ZC3H11A: variants seen among roughly 807,000 people sequenced by gnomAD.
ZC3H11A encodes the protein zinc finger CCCH domain-containing protein 11A.
A neutral mutation model predicts 90.8 loss-of-function variants in ZC3H11A; 22 were observed. That is an observed-to-expected ratio of 0.24 (90% CI 0.17 to 0.35). The LOEUF (loss-of-function observed/expected upper bound fraction) is 0.35, where lower values mean the gene tolerates loss of function less well. Among genes scored for constraint, ZC3H11A ranks in the 10% least tolerant of loss-of-function variants. The probability of loss-of-function intolerance (pLI) is 1.00; values close to 1 mark genes in which losing one functional copy is unlikely to be tolerated. For missense variants in ZC3H11A, 701 were observed against 964.9 expected (o/e 0.73, Z 3.62); for synonymous variants, 294 against 339.8 (o/e 0.87, Z 1.48).
intron 2 of ZC3H11A, among the ~76,000 whole-genome samples, chr1:203,804,732 G>A (rs1671689197): frequency 6.7e-6 from 1 of 150,172 alleles, no homozygotes; most frequent in South Asian, 2.1e-4. Context: ...GAGTGCAATG[G>A]TGCTGTCTTG....
intron 4 of ZC3H11A, among the ~76,000 whole-genome samples, chr1:203,819,657 C>T (rs1335509229): frequency 6.6e-6 from 1 of 150,508 alleles, no homozygotes; most frequent in Non-Finnish European, 1.5e-5. Flanking sequence ...GCCTCAGCCT[C>T]CCGAGTAGCT....
intron 1 of ZC3H11A, 92 bp downstream of exon 1, chr1:203,795,886 C>T (rs911527014): frequency 3.3e-5 from 5 of 151,914 alleles, no homozygotes; most frequent in South Asian, 4.2e-4. Context: ...TCCCCTCGCC[C>T]CTGGGTCGCG....
chr1:203,799,674 C>T, intron 1 of ZC3H11A: 1 of 706,810 alleles, frequency 1.4e-6, no homozygotes, highest in South Asian at 1.5e-5. Context: ...CCTAATCCAT[C>T]ATCTACTCCT....
chr1:203,843,536 G>T (rs1372856409), intron 12 of ZC3H11A, among the ~76,000 whole-genome samples: 1 of 152,064 alleles, frequency 6.6e-6, no homozygotes, highest in Non-Finnish European at 1.5e-5. Context: ...CCTGTAAAGG[G>T]TCGGATATAA....
rs369412562 is a variant in ZC3H11A at position 203,851,018 on chromosome 1, C to G, written c.2107-39C>G. The G allele has an allele frequency of 8.1e-6, 13 of 1,605,904 alleles. No homozygotes were observed. The African/African-American group carries it at 1.7e-4, about 21-fold the overall frequency. ...AAATGAATATGCTCAAATTAAAAAG[C>G]CTGACTCTCACTGAATTACCTGACT... is the stretch of plus-strand genomic sequence containing the variant. On this transcript the variant is annotated intron_variant, in intron 16 of 17. Transcript: ENST00000367210.
intron 17 of ZC3H11A, 75 bp from the exon 18 acceptor site, chr1:203,852,066 G>C: frequency 6.7e-7 from 1 of 1,494,148 alleles, no homozygotes; most frequent in Non-Finnish European, 9.0e-7. Context: ...TGCTCACTTT[G>C]TGTCCGTGAG....
chr1:203,819,168 ATG>A (rs1315826972), intron 4 of ZC3H11A, among the ~76,000 whole-genome samples: 10 of 146,898 alleles, frequency 6.8e-5, no homozygotes, highest in African/African-American at 2.2e-4. Context: ...ACGTGTATAT[ATG>A]TGTGTGTATA....
intron 4 of ZC3H11A, 85 bp from the exon 5 acceptor site, chr1:203,828,214 A>G (rs994437914): frequency 3.2e-6 from 5 of 1,540,176 alleles, no homozygotes; most frequent in Admixed American, 1.8e-5. Flanking sequence ...TGAACCCTGT[A>G]TGAACTTTGT....
At position 203,795,655 on chromosome 1, in the gene ZC3H11A, A is replaced by G. The variant is rs1338443726; in HGVS notation, c.-1727A>G. On this transcript the variant is annotated 5_prime_UTR_variant, in exon 1 of 18. Transcript: ENST00000367210. ...AGCCTGTAGCCAGGCGCCATCTTTGACGCTGGCAGTCTTGGTTTTCTGCTA... is the reference window on the plus strand; with the variant it reads ...AGCCTGTAGCCAGGCGCCATCTTTGGCGCTGGCAGTCTTGGTTTTCTGCTA... The G allele has an allele frequency of 2.0e-5, 3 of 150,356 alleles. No homozygotes were observed. Among genetic ancestry groups the G allele is most frequent in the African/African-American group, 7.3e-5 (3 of 41,324 alleles). 9.3% of individuals were successfully genotyped at this position (150,356 alleles called of 1,614,324 possible).
At chr1:203,805,789 T>C in intron 2 of ZC3H11A, 6 of 724,068 alleles carry the variant, frequency 8.3e-6, no homozygotes, top group African/African-American at 3.5e-5. Flanking sequence ...TGCTTCTAGG[T>C]TGTCTTCATC....
rs757494235 is a variant in ZC3H11A at position 203,799,992 on chromosome 1, G to T, written c.-1587-1583G>T. The T allele has an allele frequency of 1.2e-5, 19 of 1,536,150 alleles. No individual in the cohort carries two copies. In the South Asian group the frequency reaches 2.0e-4, roughly 16 times the overall value. On this transcript the variant is annotated intron_variant, in intron 1 of 17. Coordinates refer to ENST00000367210, the MANE Select transcript of ZC3H11A (RefSeq NM_001376342.1). Reference sequence around the variant, plus strand: ...AGAAGCTTCTTGTCCCTCAGTTACAGTGGGAGCTGATTCATTTACCTCATC... The same window carrying T: ...AGAAGCTTCTTGTCCCTCAGTTACATTGGGAGCTGATTCATTTACCTCATC...
At chr1:203,811,834 T>C (rs1000181035) in intron 2 of ZC3H11A, among the ~76,000 whole-genome samples, 1 of 151,784 alleles carries the variant, frequency 6.6e-6, no homozygotes, top group African/African-American at 2.4e-5. Context: ...TTTTTTTTTT[T>C]TTTAGACAGG....
At position 203,846,163 on chromosome 1, in the gene ZC3H11A, G is replaced by C. The variant is rs373624023; in HGVS notation, c.1043-1021G>C. Among the ~76,000 whole-genome samples, 459 of 149,210 alleles carry C rather than the reference G, an allele frequency of 3.1e-3. 2 individuals carry two copies. In the Middle Eastern group the frequency reaches 0.032, roughly 10 times the overall value. On this transcript the variant is annotated intron_variant, in intron 12 of 17. Transcript: ENST00000367210. ...TTTTGAAAAGATATAATTTTTTTGG[G>C]GGGGGGGTTCATTAAAAGCTGTTAT...
chr1:203,840,461 T>G, intron 12 of ZC3H11A, 87 bp downstream of exon 12: 1 of 1,350,380 alleles, frequency 7.4e-7, no homozygotes, highest in South Asian at 1.3e-5. Context: ...TGTTGCTTGC[T>G]AGGGCTTTTG....
chr1:203,823,905 T>C (rs190713681), intron 4 of ZC3H11A, among the ~76,000 whole-genome samples: 221 of 152,292 alleles, frequency 1.5e-3, no homozygotes, highest in African/African-American at 5.0e-3. Context: ...GAAACTAATT[T>C]ATTGATACGG....
chr1:203,839,000 G>GGA (rs1370877788), intron 11 of ZC3H11A, among the ~76,000 whole-genome samples: 2 of 150,894 alleles, frequency 1.3e-5, no homozygotes, highest in Non-Finnish European at 3.0e-5. Context: ...TTATAAACAA[G>GGA]GATCACAGGC....
chr1:203,830,320 GA>G, intron 8 of ZC3H11A, 117 bp downstream of exon 8: 1 of 779,710 alleles, frequency 1.3e-6, no homozygotes, highest in Non-Finnish European at 2.1e-6. Flanking sequence ...TGGCCTGTTT[GA>G]AGTAAAACAC....
At chr1:203,841,157 A>ATT (rs76329142) in intron 12 of ZC3H11A, among the ~76,000 whole-genome samples, 10 of 110,340 alleles carry the variant, frequency 9.1e-5, no homozygotes, top group Admixed American at 4.2e-4. Flanking sequence ...TTTTTTTTTT[A>ATT]TTTTTTTTTT....
At position 203,825,123 on chromosome 1, in the gene ZC3H11A, C is replaced by A. The variant is rs1364121456; in HGVS notation, c.175-3176C>A. ...AAATAGATGTTAGATAAGCTTTGTT[C>A]AAGTGTGAGTTACAGTGCTATTTGT... is the stretch of plus-strand genomic sequence containing the variant. On this transcript the variant is annotated intron_variant, in intron 4 of 17. Coordinates refer to ENST00000367210, the MANE Select transcript of ZC3H11A (RefSeq NM_001376342.1). Among the ~76,000 whole-genome samples the A allele has an allele frequency of 3.4e-5, 5 of 148,522 alleles. No individual in the cohort carries two copies. The East Asian group carries it at 1.0e-3, about 30-fold the overall frequency.
Sources: allele counts gnomAD v4.1 joint callset (sites outside exome capture counted in the v4.1 genomes callset), GRCh38; gene constraint gnomAD v4.1.1; transcripts MANE v1.5; gene names NCBI Gene and HGNC (gene_info 2026-07-23, HGNC 2026-07-21).